The following RPH3A variants were observed in gnomAD, a reference collection of about 807,000 sequenced individuals.
RPH3A encodes rabphilin-3A.
A neutral mutation model predicts 102.2 loss-of-function variants in RPH3A; 48 were observed. The observed-to-expected ratio is 0.47, with a 90% CI of 0.37 to 0.60. The LOEUF is 0.60. Among genes scored for constraint, RPH3A ranks in the 20% least tolerant of loss-of-function variants. RPH3A has a pLI of 0.00. For synonymous variants in RPH3A, 310 were observed against 324.3 expected, an observed-to-expected ratio of 0.96 and a Z score of 0.47; for missense variants, 781 against 910.1, an observed-to-expected ratio of 0.86 and a Z score of 1.83.
intron 10 of RPH3A, among the ~76,000 whole-genome samples, chr12:112,872,168 A>G (rs1214360953): frequency 1.3e-5 from 2 of 152,246 alleles, no homozygotes; most frequent in East Asian, 3.9e-4. Flanking sequence ...CAACAATGCA[A>G]AAGGGTTCTC....
intron 14 of RPH3A, 90 bp downstream of exon 14, chr12:112,879,288 C>T: frequency 2.8e-6 from 3 of 1,081,560 alleles, no homozygotes; most frequent in Non-Finnish European, 4.1e-6. Flanking sequence ...GGCCTGTCTC[C>T]TGTTGTTGCT....
At chr12:112,870,793 C>T (rs2042695689) in intron 10 of RPH3A, among the ~76,000 whole-genome samples, 1 of 152,162 alleles carries the variant, frequency 6.6e-6, no homozygotes, top group Non-Finnish European at 1.5e-5. Context: ...GTACCTTGTG[C>T]TTCATAATCT....
At chr12:112,671,295 G>A (rs780278901) in intron 1 of RPH3A, among the ~76,000 whole-genome samples, 7 of 152,178 alleles carry the variant, frequency 4.6e-5, no homozygotes, top group African/African-American at 7.2e-5. Context: ...CAGGATTAGC[G>A]TGGTAATTTC....
chr12:112,769,019 G>A (rs1305045026), intron 1 of RPH3A, among the ~76,000 whole-genome samples: 1 of 152,174 alleles, frequency 6.6e-6, no homozygotes, highest in African/African-American at 2.4e-5. Flanking sequence ...TTTAATGCCA[G>A]CTTCGTGTTC....
rs149901236 is a variant in RPH3A, at chr12:112,703,663, G to A, written c.-139-88480G>A. On this transcript the variant is annotated intron_variant, in intron 1 of 21. Transcript: ENST00000543106. ...ACAAATCAGCTTACAAACCTCCACA[G>A]AGGAGCTGAATCAGCAATGGGAATA... Among the ~76,000 whole-genome samples the A allele has an allele frequency of 2.0e-3, 305 of 152,300 alleles. 1 individual carries two copies. The highest frequency in any genetic ancestry group is 7.2e-3 in the African/African-American group (298 of 41,550).
chr12:112,897,300 C>T lies in RPH3A; in HGVS notation c.*520C>T, dbSNP rs1360284915. 28 of 156,210 alleles carry T rather than the reference C, an allele frequency of 1.8e-4. No homozygotes were observed. The highest frequency in any genetic ancestry group is 1.7e-3 in the Admixed American group (27 of 16,230). 9.7% of individuals were successfully genotyped at this position (156,210 alleles called of 1,614,324 possible). A position where few individuals can be genotyped will look rare whatever the true frequency, so the allele number is the denominator to read the frequency against. On this transcript the variant is annotated 3_prime_UTR_variant, in exon 22 of 22. Transcript: ENST00000389385. ...CTCCCACTGCCCCCTGAGATGTACACCCTGATTGCCAGGAAAACAGACTGC... is the reference window on the plus strand; with the variant it reads ...CTCCCACTGCCCCCTGAGATGTACATCCTGATTGCCAGGAAAACAGACTGC...
intron 1 of RPH3A, among the ~76,000 whole-genome samples, chr12:112,642,457 GAC>G (rs2039897407): frequency 6.6e-6 from 1 of 152,172 alleles, no homozygotes; most frequent in Admixed American, 6.5e-5. Context: ...AATCTTTGGA[GAC>G]ACACTTACAC....
intron 19 of RPH3A, among the ~76,000 whole-genome samples, chr12:112,892,554 G>T (rs1408559831): frequency 6.6e-6 from 1 of 152,198 alleles, no homozygotes; most frequent in Non-Finnish European, 1.5e-5. Flanking sequence ...GCTGCCTAGT[G>T]TCCCTGCTAG....
At chr12:112,866,676 C>A in intron 6 of RPH3A, 81 bp from the exon 7 acceptor site, 1 of 1,158,596 alleles carries the variant, frequency 8.6e-7, no homozygotes, top group Non-Finnish European at 1.3e-6. Flanking sequence ...TTACATCCAC[C>A]AAGAGAAAGT....
chr12:112,792,854 C>T (rs2041150940), intron 2 of RPH3A, among the ~76,000 whole-genome samples: 1 of 152,176 alleles, frequency 6.6e-6, no homozygotes, highest in Admixed American at 6.5e-5. Context: ...CAGGAAAGGG[C>T]CACACTATGC....
chr12:112,829,861 T>C (rs956852816), intron 3 of RPH3A, among the ~76,000 whole-genome samples: 6 of 152,194 alleles, frequency 3.9e-5, no homozygotes, highest in Non-Finnish European at 8.8e-5. Flanking sequence ...TGTAGCCTCA[T>C]AGAGGCTCTG....
At chr12:112,712,872 A>AT (rs1565856581) in intron 1 of RPH3A, among the ~76,000 whole-genome samples, 13 of 144,616 alleles carry the variant, frequency 9.0e-5, no homozygotes, top group African/African-American at 3.6e-4. Context: ...CACCCAGCTC[A>AT]CTTTTTTTTC....
chr12:112,664,792 A>G (rs2040073028), intron 1 of RPH3A, among the ~76,000 whole-genome samples: 1 of 152,090 alleles, frequency 6.6e-6, no homozygotes, highest in Non-Finnish European at 1.5e-5. Context: ...GGACAGCACC[A>G]CGACCCCGTG....
At chr12:112,886,510 C>T (rs1048914223) in intron 16 of RPH3A, among the ~76,000 whole-genome samples, 27 of 152,002 alleles carry the variant, frequency 1.8e-4, no homozygotes, top group Admixed American at 1.2e-3. Context: ...TGACAGGAGG[C>T]GGAGCTGAAG....
chr12:112,630,260 T>C (rs1443068622), intron 1 of RPH3A, among the ~76,000 whole-genome samples: 1 of 152,156 alleles, frequency 6.6e-6, no homozygotes, highest in Non-Finnish European at 1.5e-5. Flanking sequence ...CCATATCTTA[T>C]CAACTCCTTG....
chr12:112,844,114 A>T (rs1683694363), intron 4 of RPH3A, among the ~76,000 whole-genome samples: 1 of 152,080 alleles, frequency 6.6e-6, no homozygotes. Context: ...AGTGATCCCC[A>T]CCTCTTGGTG....
intron 1 of RPH3A, among the ~76,000 whole-genome samples, chr12:112,712,928 T>TTCC (rs2040478075): frequency 1.0e-5 from 1 of 96,502 alleles, no homozygotes; most frequent in African/African-American, 3.5e-5. Flanking sequence ...CTTCTTCCTC[T>TTCC]TCTTCTTCTT....
At chr12:112,646,106 A>G (rs1325052584) in intron 1 of RPH3A, among the ~76,000 whole-genome samples, 1 of 152,296 alleles carries the variant, frequency 6.6e-6, no homozygotes. Flanking sequence ...TGCTATGGGC[A>G]TATAGTAAAT....
At chr12:112,878,439 A>C (rs1254160354) in intron 13 of RPH3A, among the ~76,000 whole-genome samples, 1 of 152,234 alleles carries the variant, frequency 6.6e-6, no homozygotes, top group Admixed American at 6.5e-5. Context: ...TTGAGCATGT[A>C]CAAAGTGCCT....
Sources: allele counts gnomAD v4.1 joint callset (sites outside exome capture counted in the v4.1 genomes callset), GRCh38; gene constraint gnomAD v4.1.1; transcripts MANE v1.5; gene names NCBI Gene and HGNC (gene_info 2026-07-23, HGNC 2026-07-21).